The following SCARB1 variants were observed in gnomAD, a reference collection of about 807,000 sequenced individuals.
SCARB1 encodes the protein scavenger receptor class B member 1.
A neutral mutation model predicts 57.2 loss-of-function variants in SCARB1; 30 were observed. That is an observed-to-expected ratio of 0.52 (90% CI 0.39 to 0.71). The LOEUF (loss-of-function observed/expected upper bound fraction) is 0.71. SCARB1 is among the 30% of genes least tolerant of loss of function. SCARB1 has a pLI of 0.00. For synonymous variants in SCARB1, 249 were observed against 268.3 expected (o/e 0.93, Z 0.70); for missense variants, 543 against 671.2 (o/e 0.81, Z 2.11).
intron 1 of SCARB1, among the ~76,000 whole-genome samples, chr12:124,830,002 G>A (rs1042420652): frequency 2.6e-5 from 4 of 152,190 alleles, no homozygotes; most frequent in African/African-American, 9.7e-5. Flanking sequence ...CTTGGATCAT[G>A]AGGCACCCTT....
At chr12:124,805,137 CAAGACAAG>C (rs1470443925) in intron 7 of SCARB1, among the ~76,000 whole-genome samples, 7 of 134,926 alleles carry the variant, frequency 5.2e-5, no homozygotes, top group Non-Finnish European at 9.0e-5. Flanking sequence ...ACAAGAAGAC[CAAGACAAG>C]AAGACAAGAA....
chr12:124,798,538 G>A (rs1277143085), intron 8 of SCARB1, among the ~76,000 whole-genome samples: 1 of 151,886 alleles, frequency 6.6e-6, no homozygotes, highest in East Asian at 1.9e-4. Context: ...ACCTGTATGT[G>A]GAATCTAAAA....
chr12:124,860,706 C>G (rs542697879), intron 1 of SCARB1, among the ~76,000 whole-genome samples: 1 of 152,290 alleles, frequency 6.6e-6, no homozygotes, highest in East Asian at 1.9e-4. Context: ...TCATGAACCA[C>G]ACGAAGAGGG....
chr12:124,840,534 T>C (rs1394966514), intron 1 of SCARB1, among the ~76,000 whole-genome samples: 1 of 152,196 alleles, frequency 6.6e-6, no homozygotes, highest in Admixed American at 6.5e-5. Flanking sequence ...GTCTGACTCT[T>C]GTTGTTGAGT....
intron 1 of SCARB1, among the ~76,000 whole-genome samples, chr12:124,855,910 C>T (rs565273266): frequency 1.8e-3 from 275 of 152,364 alleles, no homozygotes; most frequent in African/African-American, 6.3e-3. Context: ...GGCCAAGACT[C>T]ATCCAGGAAA....
Position 124,818,661 on chromosome 12 carries a change from T to A in SCARB1, c.127-954A>T, listed in dbSNP as rs932715766. ...TTGTATTTTTATTTTATTTTATTTT[T>A]TTGAGAGGGAGTCTTGCTCTGTGGC... On this transcript the variant is annotated intron_variant, in intron 1 of 12. Transcript: ENST00000261693. Among the ~76,000 whole-genome samples the A allele has an allele frequency of 3.3e-5, 5 of 151,892 alleles. No homozygotes were observed. In the East Asian group the frequency reaches 9.7e-4, roughly 29 times the overall value.
chr12:124,861,957 G>A (rs1329032646), intron 1 of SCARB1, among the ~76,000 whole-genome samples: 2 of 151,990 alleles, frequency 1.3e-5, no homozygotes, highest in African/African-American at 2.4e-5. Flanking sequence ...ATAAGCCCCC[G>A]AATAACTGAG....
At chr12:124,853,118 CA>C (rs1459997570) in intron 1 of SCARB1, among the ~76,000 whole-genome samples, 2 of 152,062 alleles carry the variant, frequency 1.3e-5, no homozygotes, top group Non-Finnish European at 2.9e-5. Flanking sequence ...ATTTAAGCTT[CA>C]AAAGGTTACA....
chr12:124,796,278 C>T lies in SCARB1; in HGVS notation c.1129-1010G>A, dbSNP rs1949941341. 6.6e-6 allele frequency among the ~76,000 whole-genome samples: 1 copy of T among 152,068 alleles called. No homozygotes were observed. The highest frequency in any genetic ancestry group is 1.5e-5 in the Non-Finnish European group (1 of 68,010). The stretch of plus-strand genomic sequence containing the variant: ...TTTATCATTATTATTTTTGTAGAGA[C>T]AGAGTTTCACTATGTTGCCCAGGCT... On this transcript the variant is annotated intron_variant, in intron 8 of 12. Coordinates refer to ENST00000261693, the MANE Select transcript of SCARB1 (RefSeq NM_005505.5). This position sits in a 1 kb window ranked among gnomAD's most constrained non-coding sequence, Gnocchi z 4.0.
intron 9 of SCARB1, among the ~76,000 whole-genome samples, chr12:124,793,648 G>A (rs1049771065): frequency 2.8e-5 from 4 of 144,068 alleles, no homozygotes; most frequent in East Asian, 2.1e-4. Flanking sequence ...AGCCGAGATC[G>A]CGCCACTGCA....
intron 1 of SCARB1, among the ~76,000 whole-genome samples, chr12:124,819,747 C>G (rs530874533): frequency 6.6e-6 from 1 of 152,264 alleles, no homozygotes. Context: ...GGCAGAGGCT[C>G]TACAGGAGGC....
intron 1 of SCARB1, among the ~76,000 whole-genome samples, chr12:124,833,894 C>T (rs898610183): frequency 2.0e-5 from 3 of 152,250 alleles, no homozygotes; most frequent in South Asian, 2.1e-4. Context: ...GAATGATCTG[C>T]GGAGCAGGAC....
chr12:124,844,080 C>CA (rs1952031676), intron 1 of SCARB1, among the ~76,000 whole-genome samples: 1 of 152,118 alleles, frequency 6.6e-6, no homozygotes, highest in African/African-American at 2.4e-5. Flanking sequence ...TACAAGGCAG[C>CA]AGGGTCCAGC....
intron 1 of SCARB1, among the ~76,000 whole-genome samples, chr12:124,823,447 C>A (rs867676927): frequency 1.4e-4 from 21 of 152,124 alleles, no homozygotes; most frequent in African/African-American, 4.6e-4. Context: ...TCTCACCCAC[C>A]AGGATGGCTA....
intron 1 of SCARB1, among the ~76,000 whole-genome samples, chr12:124,844,958 A>G (rs761261953): frequency 4.0e-5 from 6 of 151,784 alleles, no homozygotes; most frequent in Non-Finnish European, 7.4e-5. Flanking sequence ...GAGCCTGTCC[A>G]TGGTCACACA....
chr12:124,830,482 C>G (rs2135739736), intron 1 of SCARB1, among the ~76,000 whole-genome samples: 1 of 152,300 alleles, frequency 6.6e-6, no homozygotes, highest in East Asian at 1.9e-4. Flanking sequence ...CACACTCATA[C>G]CATGGAATGC....
chr12:124,848,122 C>T (rs1418967036), intron 1 of SCARB1, among the ~76,000 whole-genome samples: 12 of 152,176 alleles, frequency 7.9e-5, no homozygotes, highest in Non-Finnish European at 1.5e-4. Flanking sequence ...CTCACTCTGT[C>T]GCCCAGGCTG....
At chr12:124,858,654 C>T (rs113147441) in intron 1 of SCARB1, among the ~76,000 whole-genome samples, 6,900 of 151,592 alleles carry the variant, frequency 0.046, 208 homozygotes, top group South Asian at 0.084. Context: ...CCGAGACGGG[C>T]GGATCACGAG....
intron 7 of SCARB1, among the ~76,000 whole-genome samples, chr12:124,803,943 C>T (rs535618863): frequency 5.3e-5 from 8 of 152,210 alleles, no homozygotes; most frequent in South Asian, 2.1e-4. Context: ...AATTCCTTTG[C>T]GCTTTTGAAA....
Sources: allele counts gnomAD v4.1 joint callset (sites outside exome capture counted in the v4.1 genomes callset), GRCh38; gene constraint gnomAD v4.1.1; non-coding constraint Gnocchi (gnomAD v3.1); transcripts MANE v1.5; gene names NCBI Gene and HGNC (gene_info 2026-07-23, HGNC 2026-07-21).